OXR1: variants seen among roughly 807,000 people sequenced by gnomAD.
OXR1 encodes the protein oxidation resistance protein 1.
OXR1 carries 41 observed loss-of-function variants against 104.6 expected under a neutral mutation model. The observed-to-expected ratio is 0.39, with a 90% confidence interval of 0.31 to 0.51. OXR1 has a LOEUF of 0.51. Among genes scored for constraint, OXR1 ranks in the 20% least tolerant of loss-of-function variants. OXR1 has a pLI of 0.77. For missense variants in OXR1, 955 were observed against 1,031.9 expected (o/e 0.93, Z 1.02); for synonymous variants, 348 against 348.4 (o/e 1.00, Z 0.01).
rs1204734359 is a variant in OXR1 at position 106,737,603 on chromosome 8, G to GC, written c.2037+8dup. 3 of 1,357,040 alleles carry GC rather than the reference G, an allele frequency of 2.2e-6. No individual in the cohort carries two copies. Among genetic ancestry groups the GC allele is most frequent in the Admixed American group, 2.5e-5 (1 of 39,272 alleles). 84.1% of individuals were successfully genotyped at this position (1,357,040 alleles called of 1,614,324 possible). On this transcript the variant is annotated splice_donor_region_variant and intron_variant, in intron 12 of 16. Transcript: ENST00000517566. ...GCACACTCTGCAGACGCCTCCAGGT[G>GC]CCCCCTTCAGTAGTTTAAACCCCTC...
intron 3 of OXR1, among the ~76,000 whole-genome samples, chr8:106,659,796 C>G (rs929441418): frequency 1.3e-5 from 2 of 152,188 alleles, no homozygotes; most frequent in Non-Finnish European, 2.9e-5. Flanking sequence ...GGAGGAGAAT[C>G]CAGACTGGGC....
chr8:106,517,229 T>C (rs1297735651), intron 2 of OXR1, among the ~76,000 whole-genome samples: 2 of 152,156 alleles, frequency 1.3e-5, no homozygotes, highest in African/African-American at 4.8e-5. Flanking sequence ...AGCCTACCAT[T>C]TTACTATCAT....
At chr8:106,700,626 A>G (rs564896723) in intron 7 of OXR1, among the ~76,000 whole-genome samples, 1 of 152,324 alleles carries the variant, frequency 6.6e-6, no homozygotes, top group African/African-American at 2.4e-5. Flanking sequence ...GATGCTTTTC[A>G]AATGATTTGT....
At chr8:106,642,730 G>A (rs1347856992) in intron 3 of OXR1, among the ~76,000 whole-genome samples, 1 of 152,198 alleles carries the variant, frequency 6.6e-6, no homozygotes, top group African/African-American at 2.4e-5. Context: ...TGGATAATGA[G>A]ACATCTGCCA....
At chr8:106,518,883 C>A in intron 2 of OXR1, 60 bp from the exon 3 acceptor site, 2 of 1,257,388 alleles carry the variant, frequency 1.6e-6, no homozygotes, top group African/African-American at 1.5e-5. Context: ...AAATTATAAA[C>A]ATGGAACAAA....
chr8:106,446,668 T>A (rs971018417), intron 2 of OXR1, among the ~76,000 whole-genome samples: 1 of 151,384 alleles, frequency 6.6e-6, no homozygotes, highest in African/African-American at 2.4e-5. Flanking sequence ...CAGTGACTCA[T>A]GCCTGCTATT....
At chr8:106,362,294 A>G (rs1335638201) in intron 2 of OXR1, among the ~76,000 whole-genome samples, 1 of 152,178 alleles carries the variant, frequency 6.6e-6, no homozygotes, top group African/African-American at 2.4e-5. Flanking sequence ...TGATTTTAAA[A>G]TGTAACTCTG....
chr8:106,659,101 G>A (rs547461084), intron 3 of OXR1, among the ~76,000 whole-genome samples: 2 of 152,276 alleles, frequency 1.3e-5, no homozygotes, highest in South Asian at 4.1e-4. Context: ...TCCACATCGT[G>A]CCAGTCATTT....
At chr8:106,513,166 A>T (rs946292134) in intron 2 of OXR1, among the ~76,000 whole-genome samples, 21 of 152,210 alleles carry the variant, frequency 1.4e-4, no homozygotes, top group Middle Eastern at 3.4e-3. Flanking sequence ...AGTTTTGGAT[A>T]TTTTCTGCCA....
intron 2 of OXR1, among the ~76,000 whole-genome samples, chr8:106,405,491 A>G (rs1818199317): frequency 6.6e-6 from 1 of 152,118 alleles, no homozygotes; most frequent in Non-Finnish European, 1.5e-5. Flanking sequence ...TCCCTTGAAT[A>G]GGGGCAGACT....
At chr8:106,315,378 G>A (rs1813886915) in intron 1 of OXR1, among the ~76,000 whole-genome samples, 1 of 151,958 alleles carries the variant, frequency 6.6e-6, no homozygotes, top group African/African-American at 2.4e-5. Context: ...ATTTGTCATT[G>A]AAATTAACTC....
intron 1 of OXR1, among the ~76,000 whole-genome samples, chr8:106,345,721 C>T (rs1036274867): frequency 2.0e-5 from 3 of 152,182 alleles, no homozygotes; most frequent in Non-Finnish European, 2.9e-5. Flanking sequence ...TTTGATCATG[C>T]ACATGGCTCT....
intron 2 of OXR1, among the ~76,000 whole-genome samples, chr8:106,424,287 T>C (rs2130544120): frequency 6.6e-6 from 1 of 152,238 alleles, no homozygotes; most frequent in Admixed American, 6.5e-5. Flanking sequence ...AAAGGGAAAA[T>C]ATCAGAATTA....
At chr8:106,379,684 C>G (rs1362833419) in intron 2 of OXR1, among the ~76,000 whole-genome samples, 1 of 151,552 alleles carries the variant, frequency 6.6e-6, no homozygotes, top group Admixed American at 6.6e-5. Flanking sequence ...ATTACAGATG[C>G]GTGTCATCAC....
chr8:106,691,774 A>G (rs1293443189), intron 6 of OXR1, among the ~76,000 whole-genome samples: 2 of 150,636 alleles, frequency 1.3e-5, no homozygotes, highest in East Asian at 2.0e-4. Flanking sequence ...TGCATCAGCT[A>G]TTTTTTTCTT....
intron 2 of OXR1, among the ~76,000 whole-genome samples, chr8:106,473,858 T>C (rs1488924396): frequency 6.6e-6 from 1 of 150,598 alleles, no homozygotes; most frequent in Admixed American, 6.6e-5. Flanking sequence ...TCCTCTTTTT[T>C]TTTTTGCCAC....
intron 2 of OXR1, among the ~76,000 whole-genome samples, chr8:106,432,479 C>A (rs1413453864): frequency 1.3e-5 from 2 of 152,152 alleles, no homozygotes; most frequent in African/African-American, 2.4e-5. Context: ...CTCCTCTGGG[C>A]CTTTGCGTTT....
intron 1 of OXR1, among the ~76,000 whole-genome samples, chr8:106,306,046 T>C (rs991244023): frequency 6.6e-6 from 1 of 151,126 alleles, no homozygotes; most frequent in Non-Finnish European, 1.5e-5. Flanking sequence ...CCTTCAGAGC[T>C]CTTTTTTTTT....
At chr8:106,719,992 G>C (rs1479272204) in intron 11 of OXR1, among the ~76,000 whole-genome samples, 2 of 152,036 alleles carry the variant, frequency 1.3e-5, no homozygotes, top group Non-Finnish European at 2.9e-5. Flanking sequence ...ATTTTTAGTA[G>C]AGACGGAGTT....
Sources: gnomAD v4.1 joint callset for allele counts (sites outside exome capture counted in the v4.1 genomes callset) on GRCh38, gnomAD v4.1.1 for gene constraint, MANE v1.5 for transcripts, NCBI Gene and HGNC (gene_info 2026-07-23, HGNC 2026-07-21) for gene names.